KIF4A: variants seen among roughly 807,000 people sequenced by gnomAD.
KIF4A encodes chromosome-associated kinesin KIF4A.
In KIF4A, 7 loss-of-function variants were observed where a neutral mutation model predicts 105.9. The ratio of observed to expected loss-of-function variants is 0.07; its 90% CI spans 0.04 to 0.12. KIF4A has a LOEUF of 0.12. Ranked by LOEUF, KIF4A falls within the 10% of genes least tolerant of loss-of-function variation. The pLI is 1.00. For synonymous variants in KIF4A, 281 were observed against 331.3 expected (o/e 0.85, Z 1.65); for missense variants, 558 against 929.2 (o/e 0.60, Z 5.19).
At chrX:70,357,725 G>C (rs1223837308) in intron 15 of KIF4A, among the ~76,000 whole-genome samples, 3 of 112,220 alleles carry the variant, frequency 2.7e-5, no homozygotes, top group African/African-American at 9.7e-5. Flanking sequence ...TGAAGGCCTT[G>C]CTCCATTGTC....
At chrX:70,406,641 C>G (rs946435568) in intron 27 of KIF4A, among the ~76,000 whole-genome samples, 1 of 111,607 alleles carries the variant, frequency 9.0e-6, no homozygotes, top group African/African-American at 3.2e-5. Flanking sequence ...ATACTTATCT[C>G]ATCATATCAT....
intron 13 of KIF4A, among the ~76,000 whole-genome samples, chrX:70,350,231 T>C (rs1303617020): frequency 1.8e-5 from 2 of 110,750 alleles, no homozygotes; most frequent in Non-Finnish European, 3.8e-5. Context: ...CCGTCTGCAA[T>C]CCCAGCACCT....
At chrX:70,320,945 A>C (rs2085887612) in intron 7 of KIF4A, among the ~76,000 whole-genome samples, 1 of 112,241 alleles carries the variant, frequency 8.9e-6, no homozygotes, top group Non-Finnish European at 1.9e-5. Context: ...TATATCCATA[A>C]ATATGTACAA....
intron 20 of KIF4A, among the ~76,000 whole-genome samples, chrX:70,393,731 T>TC (rs1391463431): frequency 9.2e-6 from 1 of 108,578 alleles, no homozygotes; most frequent in Non-Finnish European, 1.9e-5. Context: ...TTTTTTTTTG[T>TC]CATGGTGTAT....
At chrX:70,372,292 G>A (rs796428918) in intron 15 of KIF4A, among the ~76,000 whole-genome samples, 2 of 81,847 alleles carry the variant, frequency 2.4e-5, no homozygotes, top group Non-Finnish European at 5.1e-5. Flanking sequence ...CAAGGCAGGC[G>A]GCTGGGAGGT....
chrX:70,401,984 G>A (rs886464445), intron 22 of KIF4A, among the ~76,000 whole-genome samples: 2 of 111,352 alleles, frequency 1.8e-5, no homozygotes, highest in East Asian at 5.6e-4. Flanking sequence ...TGTAGATTTT[G>A]GTCTAGGACA....
chrX:70,413,512 T>C (rs184436957), intron 28 of KIF4A, among the ~76,000 whole-genome samples: 17 of 109,138 alleles, frequency 1.6e-4, no homozygotes, highest in African/African-American at 5.7e-4. Context: ...CGCACGCCTG[T>C]AATCCCAACC....
intron 20 of KIF4A, among the ~76,000 whole-genome samples, chrX:70,392,193 C>T (rs1392740050): frequency 9.0e-6 from 1 of 111,446 alleles, no homozygotes; most frequent in African/African-American, 3.3e-5. Context: ...GAAGTGTAGT[C>T]GTTTCTCTTC....
chrX:70,353,696 G>C lies in KIF4A; in HGVS notation c.1563G>C (p.Gln521His). ...FTTQHALRQAQMSKELVELNK... is the reference protein window; with the variant it reads ...FTTQHALRQAHMSKELVELNK... ...CTCAGCATGCTCTCCGTCAAGCGCA[G>C]ATGTCTAAGGAGCTGGTTGAGTTGA... Residue 521 changes from glutamine to histidine, a missense_variant, in exon 15 of 31, where the codon CAG becomes CAC. This residue lies in a region of KIF4A where 469 missense variants were observed against 680.4 expected (regional missense o/e 0.69). Transcript: ENST00000374403. The C allele has an allele frequency of 8.3e-7, 1 of 1,210,859 alleles. No homozygotes were observed. Among genetic ancestry groups the C allele is most frequent in the Non-Finnish European group, 1.1e-6 (1 of 895,090 alleles).
chrX:70,420,001 G>A (rs1026329292), intron 30 of KIF4A, 61 bp from the exon 31 acceptor site: 11 of 1,081,641 alleles, frequency 1.0e-5, no homozygotes, highest in African/African-American at 5.6e-5. Flanking sequence ...ATAGCAGCTC[G>A]GCTGGGCTGA....
chrX:70,403,092 T>C (rs1449134408), intron 23 of KIF4A, among the ~76,000 whole-genome samples: 1 of 112,255 alleles, frequency 8.9e-6, no homozygotes, highest in Non-Finnish European at 1.9e-5. Context: ...TAAGCATCTT[T>C]TGACATATAA....
chrX:70,418,379 C>T (rs1194178807), intron 29 of KIF4A, among the ~76,000 whole-genome samples: 1 of 111,612 alleles, frequency 9.0e-6, no homozygotes, highest in Non-Finnish European at 1.9e-5. Context: ...CTGTAAGAGC[C>T]ACGTACTGAG....
At chrX:70,379,235 A>G (rs1193239636) in intron 18 of KIF4A, among the ~76,000 whole-genome samples, 1 of 111,496 alleles carries the variant, frequency 9.0e-6, no homozygotes, top group Non-Finnish European at 1.9e-5. Context: ...TGAAAGAGGG[A>G]ATATCACTAC....
At chrX:70,349,301 C>CTA (rs2086011617) in intron 13 of KIF4A, among the ~76,000 whole-genome samples, 2 of 92,362 alleles carry the variant, frequency 2.2e-5, no homozygotes, top group Non-Finnish European at 4.2e-5. Flanking sequence ...GCGCTCCTCA[C>CTA]CTCCCAGACA....
intron 11 of KIF4A, among the ~76,000 whole-genome samples, chrX:70,343,184 T>TA (rs1014595074): frequency 3.3e-4 from 36 of 109,470 alleles, no homozygotes; most frequent in African/African-American, 9.6e-4. Flanking sequence ...TAGTATAACT[T>TA]AAAAAAAAAA....
chrX:70,303,509 T>C (rs2085812469), intron 7 of KIF4A, among the ~76,000 whole-genome samples: 1 of 112,117 alleles, frequency 8.9e-6, no homozygotes, highest in South Asian at 3.7e-4. Context: ...CATTTATCAT[T>C]ATTATACTGT....
chrX:70,358,851 T>C (rs1406900026), intron 15 of KIF4A, among the ~76,000 whole-genome samples: 1 of 112,509 alleles, frequency 8.9e-6, no homozygotes, highest in Non-Finnish European at 1.9e-5. Flanking sequence ...GGCCTAGTGG[T>C]GGTATGCCAT....
At chrX:70,360,676 ATCCAACTGGCTCG>A (rs1178148318) in intron 15 of KIF4A, among the ~76,000 whole-genome samples, 1 of 112,825 alleles carries the variant, frequency 8.9e-6, no homozygotes, top group Non-Finnish European at 1.9e-5. Context: ...GAAAGGGCAG[ATCCAACTGGCTCG>A]TCCTAGCCAT....
intron 15 of KIF4A, among the ~76,000 whole-genome samples, chrX:70,367,453 C>G (rs1213869717): frequency 4.1e-4 from 46 of 111,610 alleles, no homozygotes; most frequent in African/African-American, 1.3e-3. Flanking sequence ...CTGGTGGTGA[C>G]AAAATCTCTC....
Sources: allele counts gnomAD v4.1 joint callset (sites outside exome capture counted in the v4.1 genomes callset), GRCh38; gene constraint gnomAD v4.1.1; regional missense constraint gnomAD v4.1.1; transcripts MANE v1.5; gene names NCBI Gene and HGNC (gene_info 2026-07-23, HGNC 2026-07-21).